Variants in MEF2A observed in about 807,000 individuals in gnomAD.
MEF2A encodes the protein myocyte enhancer factor 2A.
A neutral mutation model predicts 55.8 loss-of-function variants in MEF2A; 28 were observed. That is an observed-to-expected ratio of 0.50 (90% CI 0.37 to 0.69). The LOEUF is 0.69. Ranked by LOEUF, MEF2A falls within the 30% of genes least tolerant of loss-of-function variation. MEF2A has a pLI of 0.00. For missense variants in MEF2A, 528 were observed against 626.2 expected (o/e 0.84, Z 1.67); for synonymous variants, 239 against 227.1 (o/e 1.05, Z -0.47).
At chr15:99,644,652 T>C (rs1320409612) in intron 3 of MEF2A, among the ~76,000 whole-genome samples, 1 of 152,226 alleles carries the variant, frequency 6.6e-6, no homozygotes, top group Non-Finnish European at 1.5e-5. Context: ...ATTCCAAAGA[T>C]TATTCAAAAG....
At chr15:99,597,769 C>T (rs1971723339) in intron 1 of MEF2A, among the ~76,000 whole-genome samples, 1 of 151,980 alleles carries the variant, frequency 6.6e-6, no homozygotes, top group South Asian at 2.1e-4. Flanking sequence ...CTCAAGCTGG[C>T]CGACGCTTAA....
chr15:99,654,577 A>G (rs879371342), intron 4 of MEF2A, among the ~76,000 whole-genome samples: 124 of 139,636 alleles, frequency 8.9e-4, no homozygotes, highest in Non-Finnish European at 1.6e-3. Context: ...TAAATTAAAA[A>G]AAAAGGGGGG....
chr15:99,633,140 A>C lies in MEF2A; in HGVS notation c.21A>C (p.Gln7His). The C allele has an allele frequency of 6.3e-7, 1 of 1,599,836 alleles. No homozygotes were observed. The change falls in exon 3 of 12, where the codon CAA (glutamine) becomes CAC (histidine). Residue 7 changes from glutamine to histidine, a missense_variant. This residue lies in a region of MEF2A where 78 missense variants were observed against 150.9 expected (regional missense o/e 0.52). Coordinates refer to ENST00000557942, the MANE Select transcript of MEF2A (RefSeq NM_001319206.4). MGRKKI[Q>H]ITRIMDERNR... ...TGAAAATGGGGCGGAAGAAAATACAAATCACACGCATAATGGATGAAAGGA... is the reference window on the plus strand; with the variant it reads ...TGAAAATGGGGCGGAAGAAAATACACATCACACGCATAATGGATGAAAGGA...
At chr15:99,642,901 A>G (rs1370697042) in intron 3 of MEF2A, among the ~76,000 whole-genome samples, 1 of 152,202 alleles carries the variant, frequency 6.6e-6, no homozygotes, top group African/African-American at 2.4e-5. Context: ...CTTTCCTTGA[A>G]GAAAACCCAG....
intron 4 of MEF2A, among the ~76,000 whole-genome samples, chr15:99,659,706 T>C (rs905899056): frequency 6.6e-6 from 1 of 152,136 alleles, no homozygotes; most frequent in Non-Finnish European, 1.5e-5. Flanking sequence ...CTTTTAACTT[T>C]AATATTCTCC....
At chr15:99,586,765 A>G (rs1046033001) in intron 1 of MEF2A, among the ~76,000 whole-genome samples, 1 of 152,192 alleles carries the variant, frequency 6.6e-6, no homozygotes, top group Admixed American at 6.5e-5. Flanking sequence ...GTCTCAAACT[A>G]TAAAACTTTG....
In MEF2A at chr15:99,676,799, C is replaced by T. The variant is rs547938004; in HGVS notation, c.670+1341C>T. ...GTTAGCCAGGATGGTCTCAATCTCC[C>T]GACCTGGTGATCTGCCTGCCTTGAC... On this transcript the variant is annotated intron_variant, in intron 7 of 11. Coordinates refer to ENST00000557942, the MANE Select transcript of MEF2A (RefSeq NM_001319206.4). Among the ~76,000 whole-genome samples the T allele has an allele frequency of 9.2e-5, 14 of 152,024 alleles. No individual in the cohort carries two copies. The East Asian group carries it at 2.1e-3, about 23-fold the overall frequency.
intron 4 of MEF2A, among the ~76,000 whole-genome samples, chr15:99,660,840 A>G (rs1041770315): frequency 1.3e-5 from 2 of 152,170 alleles, no homozygotes; most frequent in African/African-American, 2.4e-5. Flanking sequence ...ACATAAGATA[A>G]TCTCTGTAGA....
chr15:99,669,670 C>T (rs924909072), intron 4 of MEF2A, among the ~76,000 whole-genome samples: 11 of 152,074 alleles, frequency 7.2e-5, no homozygotes, highest in African/African-American at 2.7e-4. Flanking sequence ...GTTTATGATT[C>T]TTCATGAAAA....
At chr15:99,614,219 A>T (rs1406679883) in intron 2 of MEF2A, among the ~76,000 whole-genome samples, 1 of 152,220 alleles carries the variant, frequency 6.6e-6, no homozygotes, top group Non-Finnish European at 1.5e-5. Context: ...TATTTAATAA[A>T]TATTAAGTTA....
intron 4 of MEF2A, among the ~76,000 whole-genome samples, chr15:99,653,361 G>T (rs2047171910): frequency 6.6e-6 from 1 of 152,132 alleles, no homozygotes; most frequent in South Asian, 2.1e-4. Context: ...AGAGAGACTA[G>T]GGATCTAGAT....
chr15:99,653,212 G>A lies in MEF2A; in HGVS notation c.258+7448G>A, dbSNP rs28371043. 6.8e-3 allele frequency among the ~76,000 whole-genome samples: 1,033 copies of A among 152,234 alleles called. 11 individuals are homozygous for A. Among genetic ancestry groups the A allele is most frequent in the African/African-American group, 0.024 (984 of 41,530 alleles). ...TGTATATAGTCTAAATGATCTTTCA[G>A]TTCTCTTATATATAGATGGGTAATG... On this transcript the variant is annotated intron_variant, in intron 4 of 11. Coordinates refer to ENST00000557942, the MANE Select transcript of MEF2A (RefSeq NM_001319206.4).
At chr15:99,672,413 T>G (rs1291797572) in intron 5 of MEF2A, among the ~76,000 whole-genome samples, 1 of 152,230 alleles carries the variant, frequency 6.6e-6, no homozygotes, top group African/African-American at 2.4e-5. Context: ...GCTCCTAGAC[T>G]TGATAGTTTT....
chr15:99,686,914 T>A (rs1345985080), intron 7 of MEF2A, among the ~76,000 whole-genome samples: 1 of 129,830 alleles, frequency 7.7e-6, no homozygotes, highest in African/African-American at 2.5e-5. Flanking sequence ...TCATTTTTGT[T>A]TTTTGATTTT....
At position 99,578,139 on chromosome 15, in the gene MEF2A, T is replaced by C. The variant is rs767892551; in HGVS notation, c.-225+12035T>C. ...ATCCATTCACTTCAGCATTCATTGC[T>C]GGAACTTATCTGTGATACCTACTAC... On this transcript the variant is annotated intron_variant, in intron 1 of 11. Coordinates refer to ENST00000557942, the MANE Select transcript of MEF2A (RefSeq NM_001319206.4). 2.7e-4 allele frequency among the ~76,000 whole-genome samples: 41 copies of C among 152,258 alleles called. 1 individual carries two copies. Among genetic ancestry groups the C allele is most frequent in the Non-Finnish European group, 5.0e-4 (34 of 68,038 alleles).
intron 7 of MEF2A, among the ~76,000 whole-genome samples, chr15:99,681,380 C>A (rs2053221270): frequency 6.6e-6 from 1 of 152,130 alleles, no homozygotes; most frequent in African/African-American, 2.4e-5. Context: ...GTCTTTAGAA[C>A]AAGCTGAGTT....
intron 10 of MEF2A, among the ~76,000 whole-genome samples, chr15:99,709,847 C>A (rs1276970390): frequency 6.6e-6 from 1 of 152,182 alleles, no homozygotes; most frequent in Non-Finnish European, 1.5e-5. Flanking sequence ...GAAACTCTTG[C>A]ATGCTGTCAG....
intron 1 of MEF2A, among the ~76,000 whole-genome samples, chr15:99,585,420 A>G (rs768537115): frequency 3.9e-4 from 60 of 152,274 alleles, no homozygotes; most frequent in Non-Finnish European, 6.8e-4. Flanking sequence ...GTTTCCTGTG[A>G]ATTAGTATCT....
intron 2 of MEF2A, among the ~76,000 whole-genome samples, chr15:99,624,006 A>G (rs533410137): frequency 4.6e-5 from 7 of 152,024 alleles, no homozygotes; most frequent in Admixed American, 2.0e-4. Flanking sequence ...GGGTTTCACT[A>G]TGTTGGTCAG....
Sources: allele counts gnomAD v4.1 joint callset (sites outside exome capture counted in the v4.1 genomes callset), GRCh38; gene constraint gnomAD v4.1.1; regional missense constraint gnomAD v4.1.1; transcripts MANE v1.5; gene names NCBI Gene and HGNC (gene_info 2026-07-23, HGNC 2026-07-21).